Variants in JMJD8 observed in about 807,000 individuals in gnomAD.
The protein encoded by JMJD8 is jumonji domain containing 8.
A neutral mutation model predicts 37.6 loss-of-function variants in JMJD8; 56 were observed. That is an observed-to-expected ratio of 1.49 (90% CI 1.20 to 1.86). The LOEUF (loss-of-function observed/expected upper bound fraction) is 1.86. Among genes scored for constraint, JMJD8 ranks in the 40% most tolerant of loss-of-function variants. The pLI is 0.00. For missense variants in JMJD8, 542 were observed against 362.7 expected (o/e 1.49, Z -4.01); for synonymous variants, 261 against 163.7 (o/e 1.59, Z -4.54).
Position 683,168 on chromosome 16 carries a change from TTACGACCG to T in JMJD8, c.570_577del (p.Tyr190Ter). 6.2e-7 allele frequency: 1 copy of T among 1,613,374 alleles called. No homozygotes were observed. Among genetic ancestry groups the T allele is most frequent in the Non-Finnish European group, 8.5e-7 (1 of 1,179,876 alleles). ...CCTCAACCCCCACCCCGTGCTGACC[TTACGACCG>T]TAGATCACTTCTGAGTACCCGGGTC... is the stretch of plus-strand genomic sequence containing the variant. On this transcript the variant is annotated stop_gained and frameshift_variant and splice_region_variant, in exon 7 of 9. Transcript: ENST00000609261. LOFTEE classifies it high-confidence loss of function.
rs1408731828 is a variant in JMJD8, at chr16:681,724, C to T, written c.*1070G>A. On this transcript the variant is annotated 3_prime_UTR_variant, in exon 9 of 9. Transcript: ENST00000609261. ...AAATGTGGGGAAGTGTGGATGTTAG[C>T]TCTGAGATTGGGGTGTGGTCAGACA... 1.9e-6 allele frequency: 3 copies of T among 1,551,512 alleles called. No individual in the cohort carries two copies. The highest frequency in any genetic ancestry group is 2.6e-6 in the Non-Finnish European group (3 of 1,142,434).
Position 682,584 on chromosome 16 carries a change from G to A in JMJD8, c.*210C>T, listed in dbSNP as rs547481495. On this transcript the variant is annotated 3_prime_UTR_variant, in exon 9 of 9. Coordinates refer to ENST00000609261, the MANE Select transcript of JMJD8 (RefSeq NM_001005920.4). The stretch of plus-strand genomic sequence containing the variant: ...GTTTATGTTCCTGGCCACCCCGACC[G>A]CTTCCCCCAAGTTCTGCTGTTGGAC... The A allele has an allele frequency of 3.6e-5, 55 of 1,547,476 alleles. No homozygotes were observed. Among genetic ancestry groups the A allele is most frequent in the Middle Eastern group, 3.5e-4 (2 of 5,734 alleles).
rs2039720776 is a variant in JMJD8 at position 682,660 on chromosome 16, C to T, written c.*134G>A. 7.1e-7 allele frequency: 1 copy of T among 1,407,276 alleles called. No individual in the cohort carries two copies. The highest frequency in any genetic ancestry group is 9.7e-7 in the Non-Finnish European group (1 of 1,027,388). 87.2% of individuals were successfully genotyped at this position (1,407,276 alleles called of 1,614,324 possible). On this transcript the variant is annotated 3_prime_UTR_variant, in exon 9 of 9. Transcript: ENST00000609261. ...CGCTTTTGCTGGGCCGTGATCGTCC[C>T]CCTTTGTGGGCTGGAAAAGCAGGTG...
Position 682,296 on chromosome 16 carries a change from T to C in JMJD8, c.*498A>G, listed in dbSNP as rs754286588. ...AGCACCTGCAGGTGAGGCCTGCGGC[T>C]GGGGGAGCAGGGCCAGTGGCATGGT... On this transcript the variant is annotated 3_prime_UTR_variant, in exon 9 of 9. Transcript: ENST00000609261. The C allele has an allele frequency of 2.2e-5, 35 of 1,612,434 alleles. No individual in the cohort carries two copies. Among genetic ancestry groups the C allele is most frequent in the Non-Finnish European group, 2.9e-5 (34 of 1,179,800 alleles).
intron 2 of JMJD8, 22 bp downstream of exon 2, chr16:684,044 C>G: frequency 5.7e-6 from 9 of 1,577,422 alleles, no homozygotes; most frequent in Non-Finnish European, 7.7e-6. Flanking sequence ...GACGCGACCT[C>G]CGCGATCAGG....
chr16:683,929 C>T lies in JMJD8; in HGVS notation c.177-20G>A. The T allele has an allele frequency of 6.4e-7, 1 of 1,566,980 alleles. No homozygotes were observed. Among genetic ancestry groups the T allele is most frequent in the Non-Finnish European group, 8.6e-7 (1 of 1,160,330 alleles). ...GCGTACCTGGAAAGAAGGGCAGAGTCGCGGCCAGGCCGGACCGCCAGCCTC... is the reference window on the plus strand; with the variant it reads ...GCGTACCTGGAAAGAAGGGCAGAGTTGCGGCCAGGCCGGACCGCCAGCCTC... On this transcript the variant is annotated intron_variant, in intron 2 of 8. Coordinates refer to ENST00000609261, the MANE Select transcript of JMJD8 (RefSeq NM_001005920.4).
rs1398817019 is a variant in JMJD8, at chr16:681,945, C to G, written c.*849G>C. On this transcript the variant is annotated 3_prime_UTR_variant, in exon 9 of 9. Coordinates refer to ENST00000609261, the MANE Select transcript of JMJD8 (RefSeq NM_001005920.4). The stretch of plus-strand genomic sequence containing the variant: ...GCACGTGGCGTGGGAGCATCCCCGC[C>G]TTGTGTTGGGTCTGTGCCCCATGGA... 1.2e-6 allele frequency: 2 copies of G among 1,612,846 alleles called. No individual in the cohort carries two copies. Among genetic ancestry groups the G allele is most frequent in the Middle Eastern group, 1.6e-4 (1 of 6,062 alleles).
At chr16:684,041 C>CCTCCGCGAT (rs977166863) in intron 2 of JMJD8, 25 bp downstream of exon 2, 31 of 1,576,142 alleles carry the variant, frequency 2.0e-5, no homozygotes, top group Non-Finnish European at 2.6e-5. Flanking sequence ...CAGGACGCGA[C>CCTCCGCGAT]CTCCGCGATC....
Position 681,799 on chromosome 16 carries a change from G to A in JMJD8, c.*995C>T, listed in dbSNP as rs1413942890. 1.9e-6 allele frequency: 3 copies of A among 1,598,976 alleles called. No homozygotes were observed. Among genetic ancestry groups the A allele is most frequent in the Admixed American group, 3.4e-5 (2 of 59,502 alleles). Reference sequence around the variant, plus strand: ...GCTCCTGGTCAACCCCCAGGGAGCTGGAAGAGTGCCAGCGAAACCACGAGG... The same window carrying A: ...GCTCCTGGTCAACCCCCAGGGAGCTAGAAGAGTGCCAGCGAAACCACGAGG... On this transcript the variant is annotated 3_prime_UTR_variant, in exon 9 of 9. Transcript: ENST00000609261.
At position 683,858 on chromosome 16, in the gene JMJD8, C is replaced by T. The variant is rs755097921; in HGVS notation, c.225+3G>A. The T allele has an allele frequency of 3.2e-6, 5 of 1,585,126 alleles. No individual in the cohort carries two copies. Among genetic ancestry groups the T allele is most frequent in the Non-Finnish European group, 3.4e-6 (4 of 1,168,110 alleles). ...GGCCGGGGACGGACGGGCACGCGCT[C>T]ACCGAGTTGTCCGTGAGTCCCTGCA... On this transcript the variant is annotated splice_donor_region_variant and intron_variant, in intron 3 of 8. Transcript: ENST00000609261.
Position 683,233 on chromosome 16 carries a change from T to A in JMJD8, c.513A>T (p.Gly171=), listed in dbSNP as rs753638828. 6.2e-7 allele frequency: 1 copy of A among 1,612,708 alleles called. No homozygotes were observed. Among genetic ancestry groups the A allele is most frequent in the African/African-American group, 1.3e-5 (1 of 74,782 alleles). The change falls in exon 7 of 9, where the codon GGA becomes GGT. Residue 171 remains glycine (G), a splice_region_variant and synonymous_variant. Coordinates refer to ENST00000609261, the MANE Select transcript of JMJD8 (RefSeq NM_001005920.4). ...TAPAYSFGIA[G]AGSGVPFHWH... is the part of the protein sequence containing the mutation. ...AGTGGAAGGGCACCCCCGAGCCAGC[T>A]CCTGTGGGGTTATGAGCACCTGGTG...
At position 683,701 on chromosome 16, in the gene JMJD8, GGTGTTGGCGGTGCTCAGCCGGA is replaced by G. The variant is rs2039797821; in HGVS notation, c.284_305del (p.Val95AlafsTer87). The G allele has an allele frequency of 3.7e-6, 6 of 1,605,128 alleles. No homozygotes were observed. Among genetic ancestry groups the G allele is most frequent in the Non-Finnish European group, 5.1e-6 (6 of 1,176,662 alleles). On this transcript the variant is annotated frameshift_variant, in exon 4 of 9. Coordinates refer to ENST00000609261, the MANE Select transcript of JMJD8 (RefSeq NM_001005920.4). LOFTEE classifies it high-confidence loss of function. ...GCCGCGTACCTTTGTGGTAGGAGTA[GGTGTTGGCGGTGCTCAGCCGGA>G]CCACTCTGTCCCCAAACGAAGCCAG...
Position 684,322 on chromosome 16 carries a change from G to A in JMJD8, c.-3C>T, listed in dbSNP as rs2039845140. 1 of 1,499,230 alleles carries A rather than the reference G, an allele frequency of 6.7e-7. No homozygotes were observed. Among genetic ancestry groups the A allele is most frequent in the South Asian group, 1.2e-5 (1 of 80,182 alleles). 92.9% of individuals were successfully genotyped at this position (1,499,230 alleles called of 1,614,324 possible). ...AGCAACCGCGACGCCGGCGCCATGA[G>A]CCTGCCGCCCTCAGGCAGCCGCGCT... On this transcript the variant is annotated 5_prime_UTR_variant, in exon 1 of 9. Coordinates refer to ENST00000609261, the MANE Select transcript of JMJD8 (RefSeq NM_001005920.4).
chr16:682,920 G>A (rs1184711223), intron 8 of JMJD8, 33 bp downstream of exon 8: 2 of 1,611,702 alleles, frequency 1.2e-6, no homozygotes, highest in Non-Finnish European at 1.7e-6. Flanking sequence ...CGGGCCTCTA[G>A]CCTGGCCTGG....
chr16:684,314 C>T lies in JMJD8; in HGVS notation c.6G>A (p.Ala2=). The change falls in exon 1 of 9, where the codon GCG becomes GCA. Residue 2 remains alanine (A), a synonymous_variant. Coordinates refer to ENST00000609261, the MANE Select transcript of JMJD8 (RefSeq NM_001005920.4). ...AGAGCGCGAGCAACCGCGACGCCGGCGCCATGAGCCTGCCGCCCTCAGGCA... is the reference window on the plus strand; with the variant it reads ...AGAGCGCGAGCAACCGCGACGCCGGTGCCATGAGCCTGCCGCCCTCAGGCA... M[A]PASRLLALWA... 1 of 1,488,492 alleles carries T rather than the reference C, an allele frequency of 6.7e-7. No homozygotes were observed. The highest frequency in any genetic ancestry group is 8.9e-7 in the Non-Finnish European group (1 of 1,127,052). 92.2% of individuals were successfully genotyped at this position (1,488,492 alleles called of 1,614,324 possible). A position where few individuals can be genotyped will look rare whatever the true frequency, so the allele number is the denominator to read the frequency against.
Position 682,521 on chromosome 16 carries a change from G to GGGGAGCCCTGGGC in JMJD8, c.*260_*272dup, listed in dbSNP as rs747179329. ...CTGCCCTACCTGGCGTCCTGGTCCAGGGGAGCCCTGGGCAGAAGCCCCCGG... is the reference window on the plus strand; with the variant it reads ...CTGCCCTACCTGGCGTCCTGGTCCAGGGGAGCCCTGGGCGGGAGCCCTGGGCAGAAGCCCCCGG... On this transcript the variant is annotated 3_prime_UTR_variant, in exon 9 of 9. Coordinates refer to ENST00000609261, the MANE Select transcript of JMJD8 (RefSeq NM_001005920.4). 24 of 1,612,090 alleles carry GGGGAGCCCTGGGC rather than the reference G, an allele frequency of 1.5e-5. No individual in the cohort carries two copies. The African/African-American group carries it at 2.9e-4, about 20-fold the overall frequency.
Position 684,102 on chromosome 16 carries a change from C to T in JMJD8, c.140G>A (p.Arg47His), listed in dbSNP as rs753130103. 30 of 1,569,038 alleles carry T rather than the reference C, an allele frequency of 1.9e-5. No individual in the cohort carries two copies. The highest frequency in any genetic ancestry group is 2.6e-5 in the Non-Finnish European group (30 of 1,166,186). ...VAEEERCTVERRADLTYAEFV... is the reference protein window; with the variant it reads ...VAEEERCTVEHRADLTYAEFV... ...CTCCGCGTAGGTGAGGTCGGCCCGA[C>T]GCTCCACCGTGCAGCGCTCCTCCTC... The change falls in exon 2 of 9, where the codon CGT becomes CAT. Residue 47 changes from arginine (R) to histidine (H), a missense_variant. By Grantham distance (29) the Arg-to-His change is conservative (BLOSUM62 0). Transcript: ENST00000609261.
rs545121101 is a variant in JMJD8 at position 681,971 on chromosome 16, G to C, written c.*823C>G. 6.2e-7 allele frequency: 1 copy of C among 1,612,420 alleles called. No homozygotes were observed. The highest frequency in any genetic ancestry group is 8.5e-7 in the Non-Finnish European group (1 of 1,179,012). Reference sequence around the variant, plus strand: ...TTGTGTTGGGTCTGTGCCCCATGGAGGAGGGAGGTGGGGTGTCTCCCCCAA... The same window carrying C: ...TTGTGTTGGGTCTGTGCCCCATGGACGAGGGAGGTGGGGTGTCTCCCCCAA... On this transcript the variant is annotated 3_prime_UTR_variant, in exon 9 of 9. Transcript: ENST00000609261.
chr16:682,381 C>T lies in JMJD8; in HGVS notation c.*413G>A, dbSNP rs556617938. On this transcript the variant is annotated 3_prime_UTR_variant, in exon 9 of 9. Coordinates refer to ENST00000609261, the MANE Select transcript of JMJD8 (RefSeq NM_001005920.4). ...CACTGCAGCGTGTGGGTCATTTTGA[C>T]CCCGTGACCCGGAGCCCCCTGACCC... The T allele has an allele frequency of 2.5e-6, 4 of 1,613,256 alleles. No individual in the cohort carries two copies. Among genetic ancestry groups the T allele is most frequent in the African/African-American group, 2.7e-5 (2 of 75,062 alleles).
Sources: gnomAD v4.1 joint callset for allele counts on GRCh38, gnomAD v4.1.1 for gene constraint, MANE v1.5 for transcripts, NCBI Gene and HGNC (gene_info 2026-07-23, HGNC 2026-07-21) for gene names.